The following DPP10 variants were observed in gnomAD, a reference collection of about 807,000 sequenced individuals.
The protein encoded by DPP10 is dipeptidyl peptidase like 10.
A neutral mutation model predicts 120.9 loss-of-function variants in DPP10; 33 were observed. The ratio of observed to expected loss-of-function variants is 0.27; its 90% confidence interval spans 0.21 to 0.37. DPP10 has a LOEUF of 0.37. DPP10 is among the 10% of genes least tolerant of loss of function. DPP10 has a pLI of 1.00. For missense variants in DPP10, 816 were observed against 942.8 expected (o/e 0.87, Z 1.76); for synonymous variants, 337 against 326.1 (o/e 1.03, Z -0.36).
At chr2:114,936,113 A>G (rs1231304631) in intron 1 of DPP10, among the ~76,000 whole-genome samples, 3 of 152,156 alleles carry the variant, frequency 2.0e-5, no homozygotes, top group South Asian at 2.1e-4. Flanking sequence ...TACTGTACCC[A>G]ACATGTAGTC....
At chr2:115,749,198 T>C (rs966073127) in intron 10 of DPP10, among the ~76,000 whole-genome samples, 1 of 152,202 alleles carries the variant, frequency 6.6e-6, no homozygotes, top group Non-Finnish European at 1.5e-5. Context: ...GTGTGAATTT[T>C]AAAATATATA....
At chr2:114,518,536 C>T (rs1276068196) in intron 1 of DPP10, among the ~76,000 whole-genome samples, 1 of 152,168 alleles carries the variant, frequency 6.6e-6, no homozygotes, top group African/African-American at 2.4e-5. Context: ...TTTCAGGCAG[C>T]TGACTTAATA....
At chr2:114,935,586 T>C (rs964485123) in intron 1 of DPP10, among the ~76,000 whole-genome samples, 1 of 152,166 alleles carries the variant, frequency 6.6e-6, no homozygotes, top group Non-Finnish European at 1.5e-5. Flanking sequence ...ATAGGAACTA[T>C]GAGTGCAATT....
At chr2:115,052,365 T>C (rs1350000050) in intron 1 of DPP10, among the ~76,000 whole-genome samples, 1 of 152,072 alleles carries the variant, frequency 6.6e-6, no homozygotes, top group African/African-American at 2.4e-5. Flanking sequence ...TATATTGAAA[T>C]ATATTATCAA....
chr2:114,881,998 G>A (rs1691683033), intron 1 of DPP10, among the ~76,000 whole-genome samples: 1 of 152,010 alleles, frequency 6.6e-6, no homozygotes, highest in Admixed American at 6.6e-5. Context: ...TTTCTGTCCT[G>A]CAACAAGTAT....
intron 3 of DPP10, among the ~76,000 whole-genome samples, chr2:115,400,837 C>T (rs900108918): frequency 3.3e-5 from 5 of 152,164 alleles, no homozygotes; most frequent in Admixed American, 6.6e-5. Context: ...TCAATAGAGT[C>T]AGCAAGAATA....
In DPP10 at chr2:114,565,088, G is replaced by A. The variant is rs972583882; in HGVS notation, c.60+122250G>A. On this transcript the variant is annotated intron_variant, in intron 1 of 25. Transcript: ENST00000410059. Reference sequence around the variant, plus strand: ...GTAAGCCTCCTCTAAGCTCAGTGGGGCCTCGTGATGGAGGTTATAGCAAGA... The same window carrying A: ...GTAAGCCTCCTCTAAGCTCAGTGGGACCTCGTGATGGAGGTTATAGCAAGA... Among the ~76,000 whole-genome samples, 3 of 152,182 alleles carry A rather than the reference G, an allele frequency of 2.0e-5. No individual in the cohort carries two copies. The East Asian group carries it at 5.8e-4, about 29-fold the overall frequency.
At position 115,291,204 on chromosome 2, in the gene DPP10, G is replaced by A. The variant is rs368636446; in HGVS notation, c.61-18035G>A. On this transcript the variant is annotated intron_variant, in intron 1 of 25. Transcript: ENST00000410059. ...TTTTTGTAGAGACAGAGATCTCCCT[G>A]TGTTTCCCAGGCTGATCTTGAGCTC... Among the ~76,000 whole-genome samples the A allele has an allele frequency of 1.3e-3, 195 of 152,052 alleles. 1 individual carries two copies. The highest frequency in any genetic ancestry group is 4.5e-3 in the African/African-American group (187 of 41,506).
intron 7 of DPP10, among the ~76,000 whole-genome samples, chr2:115,693,942 T>G (rs1257992731): frequency 1.3e-5 from 2 of 152,176 alleles, no homozygotes; most frequent in African/African-American, 4.8e-5. Context: ...TTTGTAGGTA[T>G]TCACTTTTAC....
At chr2:114,466,721 G>C (rs1237729521) in intron 1 of DPP10, among the ~76,000 whole-genome samples, 1 of 152,174 alleles carries the variant, frequency 6.6e-6, no homozygotes, top group African/African-American at 2.4e-5. Context: ...CCATAATATA[G>C]AACGTAAGCA....
At chr2:114,520,550 C>T (rs1405719918) in intron 1 of DPP10, among the ~76,000 whole-genome samples, 2 of 152,164 alleles carry the variant, frequency 1.3e-5, no homozygotes, top group Middle Eastern at 3.2e-3. Context: ...CACAATGAAG[C>T]ATGAACAATG....
At chr2:114,741,009 T>G (rs1267644541) in intron 1 of DPP10, among the ~76,000 whole-genome samples, 1 of 152,222 alleles carries the variant, frequency 6.6e-6, no homozygotes, top group Admixed American at 6.5e-5. Flanking sequence ...CTGTGGGATA[T>G]GTGGATAACA....
intron 3 of DPP10, among the ~76,000 whole-genome samples, chr2:115,417,697 G>C (rs1178330503): frequency 6.6e-6 from 1 of 152,164 alleles, no homozygotes; most frequent in Non-Finnish European, 1.5e-5. Flanking sequence ...GGTTCCAGGT[G>C]CCTTAGTCTT....
At chr2:115,488,880 T>TAAAAAA (rs35020299) in intron 3 of DPP10, among the ~76,000 whole-genome samples, 74 of 126,466 alleles carry the variant, frequency 5.9e-4, no homozygotes, top group Non-Finnish European at 8.5e-4. Context: ...TAGAGTATAA[T>TAAAAAA]AAAAAAAAAA....
intron 5 of DPP10, among the ~76,000 whole-genome samples, chr2:115,623,077 C>T (rs2149289127): frequency 6.6e-6 from 1 of 152,130 alleles, no homozygotes; most frequent in East Asian, 1.9e-4. Flanking sequence ...GATCTCCTGA[C>T]CTCGTGATCC....
chr2:114,513,304 T>TC, intron 1 of DPP10, among the ~76,000 whole-genome samples: 1 of 151,948 alleles, frequency 6.6e-6, no homozygotes, highest in African/African-American at 2.4e-5. Flanking sequence ...AGGTGGATCA[T>TC]GAGGTCAGGA....
intron 1 of DPP10, among the ~76,000 whole-genome samples, chr2:114,801,626 T>C (rs1397001398): frequency 6.6e-6 from 1 of 152,218 alleles, no homozygotes; most frequent in Non-Finnish European, 1.5e-5. Context: ...TGAATATACC[T>C]AGAATCCATT....
chr2:115,730,902 A>C (rs7603480), intron 8 of DPP10, among the ~76,000 whole-genome samples: 145,987 of 152,240 alleles, frequency 0.96, 70,311 homozygotes, highest in East Asian at 1. Flanking sequence ...TTAATCATCA[A>C]AATGTTTGTG....
At chr2:115,129,218 A>G (rs1164959240) in intron 1 of DPP10, among the ~76,000 whole-genome samples, 2 of 152,226 alleles carry the variant, frequency 1.3e-5, no homozygotes, top group African/African-American at 4.8e-5. Context: ...TGCTGTTCAC[A>G]TATTGATAGG....
Sources: gnomAD v4.1 joint callset for allele counts (sites outside exome capture counted in the v4.1 genomes callset) on GRCh38, gnomAD v4.1.1 for gene constraint, MANE v1.5 for transcripts, NCBI Gene and HGNC (gene_info 2026-07-23, HGNC 2026-07-21) for gene names.